Variants in SLC12A8 observed in about 807,000 individuals in gnomAD.
SLC12A8 encodes solute carrier family 12 member 8.
In SLC12A8, 69 loss-of-function variants were observed where a neutral mutation model predicts 75.6. The observed-to-expected ratio is 0.91, with a 90% confidence interval of 0.75 to 1.11. The LOEUF (loss-of-function observed/expected upper bound fraction) is 1.11, where lower values mean the gene tolerates loss of function less well. SLC12A8 is among the 50% of genes most tolerant of loss of function. SLC12A8 has a pLI of 0.00. For synonymous variants in SLC12A8, 365 were observed against 372.8 expected (o/e 0.98, Z 0.24); for missense variants, 877 against 896.7 (o/e 0.98, Z 0.28).
chr3:125,199,436 C>T (rs1935077237), intron 2 of SLC12A8, among the ~76,000 whole-genome samples: 1 of 152,010 alleles, frequency 6.6e-6, no homozygotes, highest in Non-Finnish European at 1.5e-5. Context: ...TTGAACTGTA[C>T]ACATAAAAAT....
intron 9 of SLC12A8, among the ~76,000 whole-genome samples, chr3:125,109,298 T>C (rs1280438842): frequency 6.6e-6 from 1 of 152,160 alleles, no homozygotes; most frequent in African/African-American, 2.4e-5. Context: ...ACTGACAACT[T>C]CCAAATTTGA....
chr3:125,177,055 G>A (rs1934546304), intron 5 of SLC12A8, among the ~76,000 whole-genome samples: 1 of 151,848 alleles, frequency 6.6e-6, no homozygotes, highest in Non-Finnish European at 1.5e-5. Flanking sequence ...GTTCACAATA[G>A]CAAAGACTTG....
intron 4 of SLC12A8, among the ~76,000 whole-genome samples, chr3:125,182,350 A>G (rs1350564468): frequency 6.6e-6 from 1 of 152,008 alleles, no homozygotes; most frequent in African/African-American, 2.4e-5. Flanking sequence ...AAAAGAATGA[A>G]TGGAGAATAG....
At chr3:125,189,929 G>T (rs1434698806) in intron 3 of SLC12A8, among the ~76,000 whole-genome samples, 2 of 152,142 alleles carry the variant, frequency 1.3e-5, no homozygotes, top group South Asian at 2.1e-4. Flanking sequence ...GAGGTAGGCG[G>T]CCCACACCTC....
intron 5 of SLC12A8, among the ~76,000 whole-genome samples, chr3:125,176,448 T>C (rs886090437): frequency 1.3e-5 from 2 of 152,062 alleles, no homozygotes; most frequent in Admixed American, 6.5e-5. Context: ...CCAAAAGCAA[T>C]GGCAACAAAA....
intron 8 of SLC12A8, among the ~76,000 whole-genome samples, chr3:125,117,432 G>GA (rs11298782): frequency 0.75 from 102,203 of 136,334 alleles, 38,674 homozygotes; most frequent in South Asian, 0.9. Flanking sequence ...ACAAAAAATT[G>GA]AAAAAAAAAA....
At chr3:125,138,843 AAAACACACACACACAC>A (rs1227872296) in intron 5 of SLC12A8, among the ~76,000 whole-genome samples, 1 of 113,580 alleles carries the variant, frequency 8.8e-6, no homozygotes, top group African/African-American at 3.7e-5. Context: ...CCCCTTCTAC[AAAACACACACACACAC>A]ACACACACAC....
chr3:125,102,377 C>T (rs1441615073), intron 10 of SLC12A8, among the ~76,000 whole-genome samples: 5 of 152,240 alleles, frequency 3.3e-5, no homozygotes, highest in South Asian at 2.1e-4. Flanking sequence ...TGGCCAGGAA[C>T]GTAGGTTAGG....
At chr3:125,197,130 A>G (rs1380060638) in intron 2 of SLC12A8, among the ~76,000 whole-genome samples, 1 of 152,230 alleles carries the variant, frequency 6.6e-6, no homozygotes, top group African/African-American at 2.4e-5. Context: ...AGTGCTAAAA[A>G]GAAAAAAATG....
chr3:125,136,591 T>C (rs1228599812), intron 5 of SLC12A8, among the ~76,000 whole-genome samples: 3 of 152,162 alleles, frequency 2.0e-5, no homozygotes, highest in African/African-American at 7.2e-5. Flanking sequence ...AGTAGGTAGG[T>C]TGCAAATATG....
chr3:125,195,403 G>A lies in SLC12A8; in HGVS notation c.52-4882C>T, dbSNP rs146075465. Among the ~76,000 whole-genome samples, 159 of 152,302 alleles carry A rather than the reference G, an allele frequency of 1.0e-3. 1 individual carries two copies. The highest frequency in any genetic ancestry group is 3.7e-3 in the African/African-American group (152 of 41,574). On this transcript the variant is annotated intron_variant, in intron 2 of 13. Transcript: ENST00000469902. Reference sequence around the variant, plus strand: ...AAATGGAAATGGCTCTGTAGCCAAGGAAGCAAGGATCCAATTGGAGCCGTC... The same window carrying A: ...AAATGGAAATGGCTCTGTAGCCAAGAAAGCAAGGATCCAATTGGAGCCGTC...
chr3:125,208,122 GCC>G (rs1935260290), intron 2 of SLC12A8, among the ~76,000 whole-genome samples: 1 of 152,288 alleles, frequency 6.6e-6, no homozygotes, highest in South Asian at 2.1e-4. Context: ...CACACAAAGT[GCC>G]TCCAGACAGA....
chr3:125,179,065 T>C (rs1250199704), intron 4 of SLC12A8, among the ~76,000 whole-genome samples: 2 of 152,186 alleles, frequency 1.3e-5, no homozygotes, highest in African/African-American at 4.8e-5. Context: ...CTCCTCAGGT[T>C]TGTCCTTCAC....
At chr3:125,144,753 C>T (rs1369586187) in intron 5 of SLC12A8, among the ~76,000 whole-genome samples, 1 of 152,226 alleles carries the variant, frequency 6.6e-6, no homozygotes, top group Non-Finnish European at 1.5e-5. Flanking sequence ...TGCCCCTGCA[C>T]AGCTCCAAGC....
chr3:125,177,130 A>G (rs702055), intron 5 of SLC12A8, among the ~76,000 whole-genome samples: 7,712 of 151,944 alleles, frequency 0.051, 553 homozygotes, highest in East Asian at 0.34. Context: ...ATACACCATG[A>G]AATACTATGC....
intron 2 of SLC12A8, among the ~76,000 whole-genome samples, chr3:125,193,524 C>T (rs540666235): frequency 1.1e-4 from 16 of 152,344 alleles, no homozygotes; most frequent in African/African-American, 2.9e-4. Flanking sequence ...AGCTCCCTTG[C>T]GTCGTGAGAG....
At chr3:125,113,502 G>T (rs1260824151) in intron 8 of SLC12A8, among the ~76,000 whole-genome samples, 1 of 152,162 alleles carries the variant, frequency 6.6e-6, no homozygotes, top group Non-Finnish European at 1.5e-5. Flanking sequence ...CCTGACGACA[G>T]ATTATGTTCC....
chr3:125,141,264 G>A (rs1458085690), intron 5 of SLC12A8, among the ~76,000 whole-genome samples: 1 of 152,228 alleles, frequency 6.6e-6, no homozygotes, highest in Non-Finnish European at 1.5e-5. Flanking sequence ...CTGCAGAAAG[G>A]CTTGATCTTT....
At chr3:125,187,815 C>T (rs1173570015) in intron 3 of SLC12A8, among the ~76,000 whole-genome samples, 1 of 144,630 alleles carries the variant, frequency 6.9e-6, no homozygotes, top group Non-Finnish European at 1.5e-5. Flanking sequence ...TCATTCTGTA[C>T]CTTTGTCAGG....
Sources: allele counts gnomAD v4.1 joint callset (sites outside exome capture counted in the v4.1 genomes callset), GRCh38; gene constraint gnomAD v4.1.1; transcripts MANE v1.5; gene names NCBI Gene and HGNC (gene_info 2026-07-23, HGNC 2026-07-21).